GAK: variants seen among roughly 807,000 people sequenced by gnomAD.
GAK encodes the protein cyclin-G-associated kinase.
Under a neutral mutation model 143.9 loss-of-function variants are expected in GAK, and 79 were observed. The ratio of observed to expected loss-of-function variants is 0.55; its 90% CI spans 0.46 to 0.66. The LOEUF is 0.66. Among genes scored for constraint, GAK ranks in the 30% least tolerant of loss-of-function variants. The pLI is 0.00. For missense variants in GAK, 1,693 were observed against 1,779.7 expected, an observed-to-expected ratio of 0.95 and a Z score of 0.88; for synonymous variants, 881 against 765.5, an observed-to-expected ratio of 1.15 and a Z score of -2.49.
chr4:876,718 G>C, intron 17 of GAK, 109 bp from the exon 18 acceptor site: 1 of 949,392 alleles, frequency 1.1e-6, no homozygotes, highest in Non-Finnish European at 1.7e-6. Flanking sequence ...CATGGTGCTG[G>C]AGGCATGGAC....
chr4:917,073 G>A (rs529557908), intron 1 of GAK, among the ~76,000 whole-genome samples: 5 of 150,678 alleles, frequency 3.3e-5, no homozygotes, highest in African/African-American at 1.2e-4. Flanking sequence ...GATGCCAGGC[G>A]AAAAAAGAGT....
chr4:881,148 G>C (rs557380277), intron 15 of GAK, among the ~76,000 whole-genome samples: 4 of 152,330 alleles, frequency 2.6e-5, no homozygotes, highest in African/African-American at 9.6e-5. Flanking sequence ...CATCCAGAGG[G>C]GATAAAGAAT....
At chr4:896,600 T>C (rs759344034) in intron 6 of GAK, 51 bp from the exon 7 acceptor site, 5 of 1,375,664 alleles carry the variant, frequency 3.6e-6, no homozygotes, top group Non-Finnish European at 4.1e-6. Flanking sequence ...ACAAACAGTA[T>C]TTTTTATGTT....
Position 866,999 on chromosome 4 carries a change from G to C in GAK, c.2829C>G (p.Pro943=), listed in dbSNP as rs2152745918. The change falls in exon 21 of 28, where the codon CCC becomes CCG. Residue 943 remains proline (P), a synonymous_variant. Transcript: ENST00000314167. ...CTCTTGGGGTGCTCTGCACGCTCAG[G>C]GGAGGGGCCGGGCTTGCCAGGAGCA... ...DPLLLASPAP[P]LSVQSTPRGG... 1 of 1,500,344 alleles carries C rather than the reference G, an allele frequency of 6.7e-7. No homozygotes were observed. 92.9% of individuals were successfully genotyped at this position (1,500,344 alleles called of 1,614,324 possible).
At chr4:853,968 T>G (rs999174511) in intron 24 of GAK, 6 of 152,168 alleles carry the variant, frequency 3.9e-5, no homozygotes, top group Admixed American at 6.5e-5. Flanking sequence ...CAGCTAATTT[T>G]TGTATTTTTA....
At chr4:851,305 A>G (rs937042688) in intron 25 of GAK, 9 of 460,594 alleles carry the variant, frequency 2.0e-5, no homozygotes, top group African/African-American at 1.8e-4. Context: ...ACTGTTGCCC[A>G]AGCTGGTCTT....
chr4:901,738 C>CTCG (rs1157160892), intron 5 of GAK, among the ~76,000 whole-genome samples: 1 of 152,248 alleles, frequency 6.6e-6, no homozygotes, highest in Non-Finnish European at 1.5e-5. Flanking sequence ...CACTGGCCTC[C>CTCG]TCGTCCCCTT....
chr4:883,713 C>T (rs533241353), intron 12 of GAK, among the ~76,000 whole-genome samples: 1 of 152,366 alleles, frequency 6.6e-6, no homozygotes, highest in East Asian at 1.9e-4. Context: ...TGACACCTGC[C>T]CTGTCTCCAG....
chr4:902,596 C>CAAAAAAAAAAAAAAA (rs768017849), intron 5 of GAK, among the ~76,000 whole-genome samples: 3,259 of 60,406 alleles, frequency 0.054, 429 homozygotes, highest in African/African-American at 0.088. Flanking sequence ...GTGACTGACT[C>CAAAAAAAAAAAAAAA]AAAAAAAAAA....
At chr4:909,108 A>G (rs979610061) in intron 4 of GAK, among the ~76,000 whole-genome samples, 1 of 152,200 alleles carries the variant, frequency 6.6e-6, no homozygotes, top group African/African-American at 2.4e-5. Flanking sequence ...CGGCCTCCCA[A>G]AGTGCTAGGA....
chr4:911,445 C>T (rs867396323), intron 4 of GAK, among the ~76,000 whole-genome samples: 16 of 152,186 alleles, frequency 1.1e-4, no homozygotes, highest in African/African-American at 3.1e-4. Flanking sequence ...CGCAGCTCCA[C>T]GAGGAGACGA....
At chr4:854,462 A>G (rs1358235706) in intron 24 of GAK, among the ~76,000 whole-genome samples, 1 of 152,148 alleles carries the variant, frequency 6.6e-6, no homozygotes, top group East Asian at 1.9e-4. Context: ...AACTCTGCCC[A>G]GCCCCAGGCC....
At chr4:910,241 C>G (rs999129867) in intron 4 of GAK, among the ~76,000 whole-genome samples, 26 of 152,182 alleles carry the variant, frequency 1.7e-4, no homozygotes, top group African/African-American at 5.8e-4. Flanking sequence ...CCCTCCCTCA[C>G]TCAGCACAGG....
Position 851,028 on chromosome 4 carries a change from A to G in GAK, c.3565T>C (p.Phe1189Leu), listed in dbSNP as rs750074717. The G allele has an allele frequency of 1.2e-6, 2 of 1,614,106 alleles. No individual in the cohort carries two copies. The highest frequency in any genetic ancestry group is 2.2e-5 in the South Asian group (2 of 91,080). ...DFEDLLSNQGFSSRSDKKGPK... is the reference protein window; with the variant it reads ...DFEDLLSNQGLSSRSDKKGPK... Reference sequence around the variant, plus strand: ...CCTTTCTTGTCAGACCTGGAGGAGAAGCCTTGATTGGACAACAGATCTTCA... The same window carrying G: ...CCTTTCTTGTCAGACCTGGAGGAGAGGCCTTGATTGGACAACAGATCTTCA... The change falls in exon 26 of 28, where the codon TTC becomes CTC. Residue 1189 changes from phenylalanine (F) to leucine (L), a missense_variant. This residue lies in a region of GAK where 822 missense variants were observed against 788.7 expected (regional missense o/e 1.04). Coordinates refer to ENST00000314167, the MANE Select transcript of GAK (RefSeq NM_005255.4).
chr4:922,107 G>A (rs1241039532), intron 1 of GAK, among the ~76,000 whole-genome samples: 8 of 152,122 alleles, frequency 5.3e-5, no homozygotes, highest in East Asian at 1.9e-4. Flanking sequence ...ATGCGGAGAC[G>A]GGCCCTCAAG....
chr4:850,535 A>G (rs1433125691), intron 26 of GAK: 1 of 189,904 alleles, frequency 5.3e-6, no homozygotes, highest in Non-Finnish European at 1.1e-5. Context: ...CTCACCCCCC[A>G]GTGAGCGTCC....
At position 866,831 on chromosome 4, in the gene GAK, G is replaced by T. The variant is rs541238094; in HGVS notation, c.2872+125C>A. On this transcript the variant is annotated intron_variant, in intron 21 of 27. Transcript: ENST00000314167. ...CATGACCCCGAGGCTGCTCCTGGGG[G>T]AGGTGGGGGAAGGGCACGTTCCCTT... 1.1e-5 allele frequency: 8 copies of T among 757,780 alleles called. No homozygotes were observed. The East Asian group carries it at 1.3e-4, about 12-fold the overall frequency. The allele number at this position is 757,780 out of a possible 1,614,324, so 46.9% of individuals were successfully genotyped here.
chr4:889,269 T>C (rs1560369029), intron 10 of GAK, among the ~76,000 whole-genome samples: 1 of 152,170 alleles, frequency 6.6e-6, no homozygotes, highest in East Asian at 1.9e-4. Flanking sequence ...GCGGAAGGGC[T>C]ATGTGGCCGC....
At chr4:904,109 C>T (rs984616513) in intron 5 of GAK, among the ~76,000 whole-genome samples, 5 of 152,180 alleles carry the variant, frequency 3.3e-5, no homozygotes, top group Non-Finnish European at 4.4e-5. Context: ...CTGTGAACCG[C>T]GTGTGGAGGG....
Sources: gnomAD v4.1 joint callset for allele counts (sites outside exome capture counted in the v4.1 genomes callset) on GRCh38, gnomAD v4.1.1 for gene constraint, gnomAD v4.1.1 regional missense constraint, MANE v1.5 for transcripts, NCBI Gene and HGNC (gene_info 2026-07-23, HGNC 2026-07-21) for gene names.